The following PTPRN2 variants were observed in gnomAD, a reference collection of about 807,000 sequenced individuals.
The protein encoded by PTPRN2 is protein tyrosine phosphatase receptor type N2.
Under a neutral mutation model 118.8 loss-of-function variants are expected in PTPRN2, and 74 were observed. That is an observed-to-expected ratio of 0.62 (90% CI 0.52 to 0.76). The LOEUF (loss-of-function observed/expected upper bound fraction) is 0.76. Among genes scored for constraint, PTPRN2 ranks in the 30% least tolerant of loss-of-function variants. The pLI is 0.00. For missense variants in PTPRN2, 1,481 were observed against 1,394.4 expected, an observed-to-expected ratio of 1.06 and a Z score of -0.99; for synonymous variants, 641 against 608.0, an observed-to-expected ratio of 1.05 and a Z score of -0.80.
intron 17 of PTPRN2, among the ~76,000 whole-genome samples, chr7:157,584,843 G>A (rs1302730137): frequency 1.3e-5 from 2 of 152,180 alleles, no homozygotes; most frequent in Non-Finnish European, 2.9e-5. Flanking sequence ...TCTTTTGCAG[G>A]GGAAACCTTC....
rs184297529 is a variant in PTPRN2, at chr7:157,659,660, T to C, written c.2002-3109A>G. Among the ~76,000 whole-genome samples, 52 of 152,072 alleles carry C rather than the reference T, an allele frequency of 3.4e-4. 1 individual carries two copies. The highest frequency in any genetic ancestry group is 3.1e-3 in the Admixed American group (48 of 15,280). ...AAAATAGTGAGTGTGTTTAAAAAAA[T>C]CCACCCACGTTTTCTCAGAATCTCA... On this transcript the variant is annotated intron_variant, in intron 13 of 22. Coordinates refer to ENST00000389418, the MANE Select transcript of PTPRN2 (RefSeq NM_002847.5).
chr7:158,236,296 C>T (rs914083329), intron 3 of PTPRN2, among the ~76,000 whole-genome samples: 1 of 152,166 alleles, frequency 6.6e-6, no homozygotes, highest in Non-Finnish European at 1.5e-5. Context: ...AGAGGAGCCC[C>T]AGCTTCTCCT....
At chr7:157,907,583 G>A (rs1466043724) in intron 11 of PTPRN2, among the ~76,000 whole-genome samples, 2 of 142,462 alleles carry the variant, frequency 1.4e-5, no homozygotes, top group African/African-American at 5.3e-5. Context: ...GAGGTGTCCC[G>A]GGTGGCAGTA....
chr7:158,533,768 C>G (rs1458201747), intron 1 of PTPRN2, among the ~76,000 whole-genome samples: 2 of 152,262 alleles, frequency 1.3e-5, no homozygotes, highest in Admixed American at 6.5e-5. Context: ...TTCCAGGGTG[C>G]CCTGATGGAC....
intron 12 of PTPRN2, among the ~76,000 whole-genome samples, chr7:157,885,176 G>A (rs1489236729): frequency 2.0e-5 from 3 of 152,144 alleles, no homozygotes; most frequent in African/African-American, 7.2e-5. Flanking sequence ...ATGCTCAGTG[G>A]CTGCCCTGAT....
chr7:158,331,612 C>G (rs1416299235), intron 2 of PTPRN2, among the ~76,000 whole-genome samples: 2 of 143,422 alleles, frequency 1.4e-5, no homozygotes, highest in East Asian at 2.1e-4. Flanking sequence ...ACAGAGGTCA[C>G]TTACAGCCAT....
In PTPRN2 at chr7:157,801,379, G is replaced by C. The variant is rs1042852312; in HGVS notation, c.1788+97294C>G. Among the ~76,000 whole-genome samples, 1 of 152,196 alleles carries C rather than the reference G, an allele frequency of 6.6e-6. No homozygotes were observed. The highest frequency in any genetic ancestry group is 1.5e-5 in the Non-Finnish European group (1 of 68,038). ...GCCGTCTCCAGAAAGAGCTGTCGAG[G>C]TTTATTTATTCACGGAGAGGCTCTG... is the stretch of plus-strand genomic sequence containing the variant. On this transcript the variant is annotated intron_variant, in intron 12 of 22. Coordinates refer to ENST00000389418, the MANE Select transcript of PTPRN2 (RefSeq NM_002847.5). This position sits in a 1 kb window ranked among gnomAD's most constrained non-coding sequence, Gnocchi z 4.2.
intron 2 of PTPRN2, among the ~76,000 whole-genome samples, chr7:158,342,148 G>A (rs1472705617): frequency 6.9e-6 from 1 of 144,560 alleles, no homozygotes; most frequent in Non-Finnish European, 1.5e-5. Context: ...GCCCGCAGAG[G>A]TCACTCACAC....
At chr7:157,775,735 T>C (rs1487591477) in intron 12 of PTPRN2, among the ~76,000 whole-genome samples, 1 of 152,100 alleles carries the variant, frequency 6.6e-6, no homozygotes, top group Non-Finnish European at 1.5e-5. Flanking sequence ...TGCTGGGGCA[T>C]CCAGGGTTTC....
chr7:157,676,821 G>A lies in PTPRN2; in HGVS notation c.2001+5904C>T, dbSNP rs1409136279. ...GGACAGGGGGTGCCTAGGAACAGGG[G>A]CTCGGAAGGACCTGCTGTGCATGCA... On this transcript the variant is annotated intron_variant, in intron 13 of 22. Coordinates refer to ENST00000389418, the MANE Select transcript of PTPRN2 (RefSeq NM_002847.5). The surrounding 1 kb of genome is among the most constrained non-coding windows in gnomAD (Gnocchi z 5.6). Among the ~76,000 whole-genome samples, 2 of 152,186 alleles carry A rather than the reference G, an allele frequency of 1.3e-5. No homozygotes were observed. The highest frequency in any genetic ancestry group is 2.9e-5 in the Non-Finnish European group (2 of 68,028).
At chr7:157,895,046 A>G (rs1333433056) in intron 12 of PTPRN2, among the ~76,000 whole-genome samples, 1 of 148,226 alleles carries the variant, frequency 6.7e-6, no homozygotes, top group African/African-American at 2.5e-5. Flanking sequence ...ACAAAAGAGG[A>G]CCCCTCCCCC....
At chr7:158,216,656 G>T (rs1479707892) in intron 3 of PTPRN2, among the ~76,000 whole-genome samples, 9 of 152,014 alleles carry the variant, frequency 5.9e-5, no homozygotes, top group Non-Finnish European at 1.2e-4. Flanking sequence ...CCACTAAGAA[G>T]ATACAGCAAT....
At chr7:158,053,982 C>CGCAGAGACCCCAGAGAT (rs1809566625) in intron 11 of PTPRN2, among the ~76,000 whole-genome samples, 3 of 120,240 alleles carry the variant, frequency 2.5e-5, no homozygotes, top group Admixed American at 1.7e-4. Context: ...ACCCTAGAGA[C>CGCAGAGACCCCAGAGAT]GCAGAGACCC....
intron 10 of PTPRN2, among the ~76,000 whole-genome samples, chr7:158,085,315 CGCCCATTCACACAT>C (rs1287325609): frequency 5.4e-5 from 7 of 128,612 alleles, no homozygotes; most frequent in African/African-American, 2.4e-4. Flanking sequence ...ACACCCACGA[CGCCCATTCACACAT>C]GCCCATCCAC....
chr7:158,543,492 A>C (rs1826116358), intron 1 of PTPRN2, among the ~76,000 whole-genome samples: 1 of 152,242 alleles, frequency 6.6e-6, no homozygotes, highest in African/African-American at 2.4e-5. Flanking sequence ...GTAACTAAAA[A>C]CACTCTGGCA....
chr7:158,273,449 GAGCCGC>G (rs1798656994), intron 3 of PTPRN2, among the ~76,000 whole-genome samples: 1 of 147,890 alleles, frequency 6.8e-6, no homozygotes. Flanking sequence ...GACGCGGGAG[GAGCCGC>G]AGACGCAGGG....
chr7:157,769,340 C>T (rs1053619094), intron 12 of PTPRN2, among the ~76,000 whole-genome samples: 2 of 152,166 alleles, frequency 1.3e-5, no homozygotes, highest in Non-Finnish European at 2.9e-5. Context: ...AATGAGCTGC[C>T]GGCAACCAGC....
intron 2 of PTPRN2, among the ~76,000 whole-genome samples, chr7:158,396,807 C>T (rs1812554653): frequency 6.6e-6 from 1 of 152,236 alleles, no homozygotes; most frequent in Non-Finnish European, 1.5e-5. Flanking sequence ...TTTGCCACAA[C>T]AGCTGTAGAG....
rs73746603 is a variant in PTPRN2 at position 157,794,128 on chromosome 7, G to A, written c.1788+104545C>T. Reference sequence around the variant, plus strand: ...TCATTCTCTGCTCTGACCCGGGCTCGCACCTCCCCTCGTTCTCTGCTCTGA... The same window carrying A: ...TCATTCTCTGCTCTGACCCGGGCTCACACCTCCCCTCGTTCTCTGCTCTGA... On this transcript the variant is annotated intron_variant, in intron 12 of 22. Coordinates refer to ENST00000389418, the MANE Select transcript of PTPRN2 (RefSeq NM_002847.5). The surrounding 1 kb of genome is among the most constrained non-coding windows in gnomAD (Gnocchi z 5.2). Among the ~76,000 whole-genome samples, 156 of 139,088 alleles carry A rather than the reference G, an allele frequency of 1.1e-3. 4 individuals are homozygous for A. The highest frequency in any genetic ancestry group is 3.7e-3 in the African/African-American group (130 of 35,174). The allele number at this position is 139,088 out of a possible 152,430, so 91.2% of individuals were successfully genotyped here. A position where few individuals can be genotyped will look rare whatever the true frequency, so the allele number is the denominator to read the frequency against.
Sources: gnomAD v4.1 joint callset for allele counts (sites outside exome capture counted in the v4.1 genomes callset) on GRCh38, gnomAD v4.1.1 for gene constraint, Gnocchi (gnomAD v3.1) non-coding constraint, MANE v1.5 for transcripts, NCBI Gene and HGNC (gene_info 2026-07-23, HGNC 2026-07-21) for gene names.